Variants in EIF5B observed in about 807,000 individuals in gnomAD.
EIF5B encodes the protein eIF-5B.
In EIF5B, 47 loss-of-function variants were observed where a neutral mutation model predicts 147.5. The ratio of observed to expected loss-of-function variants is 0.32; its 90% CI spans 0.25 to 0.41. EIF5B has a LOEUF of 0.41. Among genes scored for constraint, EIF5B ranks in the 10% least tolerant of loss-of-function variants. The probability of loss-of-function intolerance (pLI) is 1.00; values close to 1 mark genes in which losing one functional copy is unlikely to be tolerated. For missense variants in EIF5B, 1,064 were observed against 1,413.2 expected (o/e 0.75, Z 3.96); for synonymous variants, 455 against 456.2 (o/e 1.00, Z 0.03).
At chr2:99,371,030 G>C (rs889825943) in intron 8 of EIF5B, 13 of 152,142 alleles carry the variant, frequency 8.5e-5, no homozygotes, top group Admixed American at 1.3e-4. Flanking sequence ...TTCAAGAACT[G>C]AGTATATTCA....
At chr2:99,367,690 G>A (rs1304406746) in intron 6 of EIF5B, among the ~76,000 whole-genome samples, 1 of 152,002 alleles carries the variant, frequency 6.6e-6, no homozygotes, top group African/African-American at 2.4e-5. Flanking sequence ...CCTGACCTCA[G>A]GTGATCCACC....
At chr2:99,378,971 A>T in intron 10 of EIF5B, 48 bp from the exon 11 acceptor site, 1 of 1,389,952 alleles carries the variant, frequency 7.2e-7, no homozygotes, top group Non-Finnish European at 9.6e-7. Context: ...GATAGTGAGG[A>T]TTTGAAATAA....
rs922882596 is a variant in EIF5B at position 99,399,018 on chromosome 2, G to A, written c.3555+109G>A. ...TTCAGTTTGATTGTAGAATCTGATG[G>A]GACTGGATCCCCCATTAGGGCTTGA... is the stretch of plus-strand genomic sequence containing the variant. On this transcript the variant is annotated intron_variant, in intron 23 of 23. Coordinates refer to ENST00000289371, the MANE Select transcript of EIF5B (RefSeq NM_015904.4). 3 of 1,305,276 alleles carry A rather than the reference G, an allele frequency of 2.3e-6. No homozygotes were observed. The African/African-American group carries it at 4.5e-5, about 20-fold the overall frequency. 80.9% of individuals were successfully genotyped at this position (1,305,276 alleles called of 1,614,324 possible).
chr2:99,359,625 A>C, intron 1 of EIF5B, among the ~76,000 whole-genome samples: 1 of 152,204 alleles, frequency 6.6e-6, no homozygotes. Flanking sequence ...TGAAACCAGG[A>C]GCAAGCAGGT....
intron 3 of EIF5B, among the ~76,000 whole-genome samples, chr2:99,360,774 C>G (rs764860548): frequency 3.3e-5 from 5 of 152,156 alleles, no homozygotes; most frequent in Admixed American, 6.5e-5. Flanking sequence ...TGTAATCACT[C>G]GTTCCATCTT....
intron 9 of EIF5B, among the ~76,000 whole-genome samples, chr2:99,376,116 G>T (rs1559254180): frequency 1.3e-5 from 2 of 152,102 alleles, no homozygotes; most frequent in Non-Finnish European, 2.9e-5. Flanking sequence ...GCACAAATTT[G>T]TAAACTTTCT....
chr2:99,367,921 T>C, intron 6 of EIF5B, among the ~76,000 whole-genome samples: 1 of 152,192 alleles, frequency 6.6e-6, no homozygotes, highest in East Asian at 1.9e-4. Context: ...TGTCTGAAAA[T>C]GTTCATACCT....
intron 1 of EIF5B, among the ~76,000 whole-genome samples, chr2:99,356,304 T>G (rs1559246692): frequency 6.6e-6 from 1 of 152,200 alleles, no homozygotes; most frequent in Non-Finnish European, 1.5e-5. Flanking sequence ...TCTTTCTATA[T>G]TGTACTCTTT....
intron 1 of EIF5B, among the ~76,000 whole-genome samples, chr2:99,349,820 A>G (rs192928978): frequency 1.3e-5 from 2 of 152,276 alleles, no homozygotes; most frequent in East Asian, 3.9e-4. Flanking sequence ...AACATTCCAA[A>G]TGCTCTTTTC....
intron 1 of EIF5B, among the ~76,000 whole-genome samples, chr2:99,357,673 T>G (rs1308040237): frequency 1.3e-5 from 2 of 152,176 alleles, no homozygotes; most frequent in Non-Finnish European, 2.9e-5. Flanking sequence ...ATAGTTTGGG[T>G]GAGGGCCGAT....
Position 99,347,623 on chromosome 2 carries a change from G to T in EIF5B, c.35+10034G>T, listed in dbSNP as rs527461968. 1.3e-4 allele frequency among the ~76,000 whole-genome samples: 20 copies of T among 151,870 alleles called. No individual in the cohort carries two copies. In the South Asian group the frequency reaches 4.2e-3, roughly 32 times the overall value. On this transcript the variant is annotated intron_variant, in intron 1 of 23. Coordinates refer to ENST00000289371, the MANE Select transcript of EIF5B (RefSeq NM_015904.4). ...GGATCTAAATGACCATTTTCATTGT[G>T]AATGTATTGCCTCTTACAATGGATT...
At chr2:99,363,553 T>A (rs776059023) in intron 4 of EIF5B, 92 bp from the exon 5 acceptor site, 79 of 1,329,504 alleles carry the variant, frequency 5.9e-5, no homozygotes, top group Middle Eastern at 2.7e-4. Context: ...CTTGGCCCAT[T>A]ATGGTCCTTG....
In EIF5B at chr2:99,337,471, G is replaced by C. The variant is rs996578992; in HGVS notation, c.-84G>C. The C allele has an allele frequency of 9.1e-5, 140 of 1,546,786 alleles. No homozygotes were observed. Among genetic ancestry groups the C allele is most frequent in the Non-Finnish European group, 1.2e-4 (131 of 1,138,120 alleles). On this transcript the variant is annotated 5_prime_UTR_variant, in exon 1 of 24. Coordinates refer to ENST00000289371, the MANE Select transcript of EIF5B (RefSeq NM_015904.4). The stretch of plus-strand genomic sequence containing the variant: ...GGCAGCACGAGGGGAAAAGAGCTGA[G>C]CGGAGACCAAAGTCAGCCGGGAGAC...
chr2:99,397,071 TGTG>T (rs1485998676), intron 22 of EIF5B, 173 bp downstream of exon 22: 1 of 652,396 alleles, frequency 1.5e-6, no homozygotes, highest in Admixed American at 3.9e-5. Flanking sequence ...AGGAAGAAAA[TGTG>T]GTAACTTTAA....
intron 14 of EIF5B, among the ~76,000 whole-genome samples, chr2:99,385,250 T>C (rs1674776749): frequency 6.6e-6 from 1 of 152,194 alleles, no homozygotes; most frequent in Non-Finnish European, 1.5e-5. Flanking sequence ...TTCTCCATGT[T>C]GGTCAGGCTG....
chr2:99,366,573 T>C (rs1038961881), intron 6 of EIF5B, among the ~76,000 whole-genome samples: 6 of 151,978 alleles, frequency 3.9e-5, no homozygotes, highest in Non-Finnish European at 1.5e-5. Flanking sequence ...CATTTTCCTT[T>C]ATTAGTGACT....
At chr2:99,371,076 TAATTA>T (rs896099331) in intron 8 of EIF5B, 21 of 152,214 alleles carry the variant, frequency 1.4e-4, no homozygotes, top group African/African-American at 4.6e-4. Flanking sequence ...ACATTTAAAT[TAATTA>T]AATTAATGAA....
chr2:99,352,566 G>A (rs543095914), intron 1 of EIF5B, among the ~76,000 whole-genome samples: 1 of 147,564 alleles, frequency 6.8e-6, no homozygotes, highest in South Asian at 2.2e-4. Flanking sequence ...CTGTTGCTCA[G>A]GCTGGAGCAC....
At chr2:99,344,995 A>C (rs931942350) in intron 1 of EIF5B, among the ~76,000 whole-genome samples, 4 of 152,236 alleles carry the variant, frequency 2.6e-5, no homozygotes, top group Non-Finnish European at 5.9e-5. Flanking sequence ...ATAAATTTTT[A>C]GAAGTGGTAC....
Sources: allele counts gnomAD v4.1 joint callset (sites outside exome capture counted in the v4.1 genomes callset), GRCh38; gene constraint gnomAD v4.1.1; transcripts MANE v1.5; gene names NCBI Gene and HGNC (gene_info 2026-07-23, HGNC 2026-07-21).